Variants in NAA25 observed in about 807,000 individuals in gnomAD.
The protein encoded by NAA25 is N-terminal acetyltransferase B complex subunit NAA25.
A neutral mutation model predicts 132.5 loss-of-function variants in NAA25; 30 were observed. The ratio of observed to expected loss-of-function variants is 0.23; its 90% confidence interval spans 0.17 to 0.31. The LOEUF (loss-of-function observed/expected upper bound fraction) is 0.31. Ranked by LOEUF, NAA25 falls within the 10% of genes least tolerant of loss-of-function variation. The pLI, the probability that NAA25 is intolerant of heterozygous loss-of-function variation, is 1.00. For missense variants in NAA25, 771 were observed against 1,150.4 expected (o/e 0.67, Z 4.77); for synonymous variants, 359 against 401.9 (o/e 0.89, Z 1.28).
intron 1 of NAA25, among the ~76,000 whole-genome samples, chr12:112,100,918 T>A (rs904806882): frequency 1.3e-5 from 2 of 152,160 alleles, no homozygotes; most frequent in East Asian, 3.9e-4. Context: ...ACACCCGGCC[T>A]GATTCCACTG....
intron 11 of NAA25, 128 bp downstream of exon 11, chr12:112,068,752 C>G (rs934766860): frequency 7.0e-6 from 4 of 571,004 alleles, no homozygotes; most frequent in Non-Finnish European, 1.2e-5. Flanking sequence ...CTTAGCTTGA[C>G]AGGGCAGTTA....
At chr12:112,086,051 A>AATATATATATATATATATATAT (rs1555238696) in intron 4 of NAA25, among the ~76,000 whole-genome samples, 3 of 37,380 alleles carry the variant, frequency 8.0e-5, no homozygotes, top group African/African-American at 3.6e-4. Flanking sequence ...AAAAAAAAAA[A>AATATATATATATATATATATAT]ATATATATAT....
intron 3 of NAA25, among the ~76,000 whole-genome samples, chr12:112,088,726 T>C (rs943242745): frequency 3.3e-5 from 5 of 151,924 alleles, no homozygotes; most frequent in Admixed American, 3.3e-4. Flanking sequence ...GTTCGAGTGA[T>C]TCTCCTGCCT....
chr12:112,106,368 G>C lies in NAA25; in HGVS notation c.58+2348C>G, dbSNP rs532643552. On this transcript the variant is annotated intron_variant, in intron 1 of 23. Coordinates refer to ENST00000261745, the MANE Select transcript of NAA25 (RefSeq NM_024953.4). ...CAATTTTAAAAATCAAATTATTCTTGAAAGTATTGAGTGTTTTTAGTTTAA... is the reference window on the plus strand; with the variant it reads ...CAATTTTAAAAATCAAATTATTCTTCAAAGTATTGAGTGTTTTTAGTTTAA... 9.9e-5 allele frequency among the ~76,000 whole-genome samples: 15 copies of C among 151,494 alleles called. No homozygotes were observed. The South Asian group carries it at 2.7e-3, about 27-fold the overall frequency.
intron 10 of NAA25, among the ~76,000 whole-genome samples, chr12:112,071,107 C>T (rs1287629600): frequency 6.6e-6 from 1 of 152,058 alleles, no homozygotes; most frequent in Admixed American, 6.6e-5. Flanking sequence ...TGGTCTTGAA[C>T]ACCTGACCTC....
At chr12:112,059,239 T>G (rs565907652) in intron 13 of NAA25, among the ~76,000 whole-genome samples, 10 of 151,594 alleles carry the variant, frequency 6.6e-5, no homozygotes, top group Non-Finnish European at 1.2e-4. Flanking sequence ...GCCACTGCAC[T>G]CGAGCCTGGG....
At chr12:112,040,460 A>G in intron 21 of NAA25, 21 bp downstream of exon 21, 1 of 1,404,376 alleles carries the variant, frequency 7.1e-7, no homozygotes, top group Non-Finnish European at 1.0e-6. Context: ...AATGTCTTTT[A>G]GGAAGAGAAC....
chr12:112,032,033 G>A (rs1353888709), intron 23 of NAA25, among the ~76,000 whole-genome samples: 5 of 150,554 alleles, frequency 3.3e-5, no homozygotes, highest in Non-Finnish European at 4.4e-5. Context: ...GCGCAATCTC[G>A]GCTCACTGCA....
intron 11 of NAA25, among the ~76,000 whole-genome samples, chr12:112,067,116 C>T (rs1376573050): frequency 6.6e-6 from 1 of 152,084 alleles, no homozygotes; most frequent in Non-Finnish European, 1.5e-5. Context: ...AGGAGAATCC[C>T]TTGAACCAGG....
At chr12:112,046,423 T>C (rs533563521) in intron 17 of NAA25, among the ~76,000 whole-genome samples, 35 of 152,346 alleles carry the variant, frequency 2.3e-4, no homozygotes, top group Non-Finnish European at 4.4e-4. Context: ...ACCTTAGCCG[T>C]TGAGTGCAAC....
At chr12:112,100,396 C>T (rs1328629128) in intron 1 of NAA25, among the ~76,000 whole-genome samples, 1 of 151,966 alleles carries the variant, frequency 6.6e-6, no homozygotes, top group Non-Finnish European at 1.5e-5. Flanking sequence ...CTCCTGACCT[C>T]GTGATCCTCC....
chr12:112,048,976 T>C (rs1302753222), intron 15 of NAA25, among the ~76,000 whole-genome samples: 1 of 152,052 alleles, frequency 6.6e-6, no homozygotes, highest in Non-Finnish European at 1.5e-5. Flanking sequence ...ATATGAGCAT[T>C]ACGTCAGGAT....
intron 3 of NAA25, among the ~76,000 whole-genome samples, chr12:112,088,507 A>T (rs1457840780): frequency 6.6e-6 from 1 of 151,410 alleles, no homozygotes; most frequent in Non-Finnish European, 1.5e-5. Flanking sequence ...TTATATAGAC[A>T]GTGTTTCGCC....
intron 1 of NAA25, among the ~76,000 whole-genome samples, chr12:112,101,008 C>T (rs2079287467): frequency 6.6e-6 from 1 of 152,128 alleles, no homozygotes; most frequent in Non-Finnish European, 1.5e-5. Flanking sequence ...CTCACTTCCT[C>T]ACTCATTTCT....
chr12:112,053,757 G>C, intron 14 of NAA25, 100 bp from the exon 15 acceptor site: 1 of 617,260 alleles, frequency 1.6e-6, no homozygotes, highest in Non-Finnish European at 2.7e-6. Context: ...CAAAAAAATA[G>C]CTAGGCATAA....
intron 2 of NAA25, among the ~76,000 whole-genome samples, chr12:112,092,826 C>T (rs934931077): frequency 6.6e-6 from 1 of 151,994 alleles, no homozygotes; most frequent in Non-Finnish European, 1.5e-5. Context: ...TACAGGCGCA[C>T]GCCACCATGC....
intron 6 of NAA25, 47 bp downstream of exon 6, chr12:112,078,587 C>T: frequency 6.9e-7 from 1 of 1,442,650 alleles, no homozygotes. Context: ...AATATTGTAG[C>T]ACTAGCAAAA....
chr12:112,044,143 G>A (rs561041805), intron 17 of NAA25, among the ~76,000 whole-genome samples: 3 of 151,666 alleles, frequency 2.0e-5, no homozygotes, highest in Admixed American at 6.6e-5. Flanking sequence ...GTGTTAGCCA[G>A]GATGGTCTTG....
chr12:112,031,317 T>A (rs940126008), intron 23 of NAA25, among the ~76,000 whole-genome samples: 2 of 152,160 alleles, frequency 1.3e-5, no homozygotes, highest in African/African-American at 2.4e-5. Flanking sequence ...TTGAAGAGAT[T>A]TTTACCTTTA....
Sources: allele counts gnomAD v4.1 joint callset (sites outside exome capture counted in the v4.1 genomes callset), GRCh38; gene constraint gnomAD v4.1.1; transcripts MANE v1.5; gene names NCBI Gene and HGNC (gene_info 2026-07-23, HGNC 2026-07-21).